Variants in PRDX1 observed in about 807,000 individuals in gnomAD.
The protein encoded by PRDX1 is peroxiredoxin-1.
Under a neutral mutation model 20.7 loss-of-function variants are expected in PRDX1, and 19 were observed. The observed-to-expected ratio is 0.92, with a 90% CI of 0.64 to 1.35. The LOEUF is 1.35. PRDX1 is among the 40% of genes most tolerant of loss of function. PRDX1 has a pLI of 0.00. For missense variants in PRDX1, 226 were observed against 240.0 expected, an observed-to-expected ratio of 0.94 and a Z score of 0.38; for synonymous variants, 89 against 83.9, an observed-to-expected ratio of 1.06 and a Z score of -0.33.
Position 45,511,167 on chromosome 1 carries a change from A to G in PRDX1, c.*162T>C. On this transcript the variant is annotated 3_prime_UTR_variant, in exon 6 of 6. Transcript: ENST00000319248. Reference sequence around the variant, plus strand: ...TCAGGCCATTCCTACCAAAGGAAGAAAGGCTGGTCTCTCCACCCCCTGTAG... The same window carrying G: ...TCAGGCCATTCCTACCAAAGGAAGAGAGGCTGGTCTCTCCACCCCCTGTAG... The G allele has an allele frequency of 1.7e-6, 1 of 605,368 alleles. No homozygotes were observed. Among genetic ancestry groups the G allele is most frequent in the Non-Finnish European group, 2.9e-6 (1 of 349,566 alleles). The allele number at this position is 605,368 out of a possible 1,614,324, so 37.5% of individuals were successfully genotyped here. A position where few individuals can be genotyped will look rare whatever the true frequency, so the allele number is the denominator to read the frequency against.
intron 5 of PRDX1, among the ~76,000 whole-genome samples, chr1:45,513,609 C>T (rs1055414336): frequency 2.2e-4 from 34 of 152,178 alleles, no homozygotes; most frequent in Admixed American, 6.6e-4. Flanking sequence ...ATTCTTCTGC[C>T]TTGAGATGCT....
intron 1 of PRDX1, among the ~76,000 whole-genome samples, chr1:45,520,723 CA>C (rs71052895): frequency 0.35 from 19,844 of 57,218 alleles, 1,169 homozygotes; most frequent in East Asian, 0.47. Context: ...GACTCCGTCT[CA>C]AAAAAAAAAA....
rs112565051 is a variant in PRDX1, at chr1:45,515,758, G to A, written c.156C>T (p.Cys52=). The change falls in exon 3 of 6, where the codon TGC becomes TGT. Residue 52 remains cysteine (C), a synonymous_variant. Coordinates refer to ENST00000319248, the MANE Select transcript of PRDX1 (RefSeq NM_181697.3). ...FFYPLDFTFV[C]PTEIIAFSDR... ...CACTGAAAGCAATGATCTCCGTGGG[G>A]CACACAAAGGTGAAGTCAAGAGGGT... The A allele has an allele frequency of 1.2e-5, 19 of 1,598,028 alleles. No homozygotes were observed. In the African/African-American group the frequency reaches 1.4e-4, roughly 11 times the overall value.
chr1:45,520,723 C>CAA (rs71052895), intron 1 of PRDX1, among the ~76,000 whole-genome samples: 95 of 57,444 alleles, frequency 1.7e-3, no homozygotes, highest in African/African-American at 2.4e-3. Context: ...GACTCCGTCT[C>CAA]AAAAAAAAAA....
chr1:45,518,198 C>T lies in PRDX1; in HGVS notation c.106+740G>A, dbSNP rs1045771915. Among the ~76,000 whole-genome samples the T allele has an allele frequency of 7.2e-5, 11 of 151,984 alleles. 1 individual carries two copies. The highest frequency in any genetic ancestry group is 6.2e-4 in the South Asian group (3 of 4,812). ...AAAAATTAAGCCAGGCGTGGTGGCT[C>T]ATGCCTGTAATCCCAGCATTTTGGG... is the stretch of plus-strand genomic sequence containing the variant. On this transcript the variant is annotated intron_variant, in intron 2 of 5. Coordinates refer to ENST00000319248, the MANE Select transcript of PRDX1 (RefSeq NM_181697.3).
intron 2 of PRDX1, among the ~76,000 whole-genome samples, chr1:45,517,656 C>A (rs1376834345): frequency 6.6e-6 from 1 of 152,064 alleles, no homozygotes; most frequent in African/African-American, 2.4e-5. Context: ...GTTGCGGGCG[C>A]CTGTAGTCCC....
At chr1:45,514,808 C>T in intron 4 of PRDX1, 65 bp downstream of exon 4, 1 of 1,602,518 alleles carries the variant, frequency 6.2e-7, no homozygotes, top group Non-Finnish European at 8.5e-7. Context: ...CTCTACAGAT[C>T]AGGGCTCTAG....
intron 5 of PRDX1, 47 bp from the exon 6 acceptor site, chr1:45,511,461 C>CAA (rs771563892): frequency 1.3e-6 from 2 of 1,482,342 alleles, no homozygotes; most frequent in East Asian, 4.5e-5. Context: ...CAATGGTATG[C>CAA]ACCACCATTC....
At chr1:45,518,131 G>A (rs1643876977) in intron 2 of PRDX1, among the ~76,000 whole-genome samples, 1 of 152,042 alleles carries the variant, frequency 6.6e-6, no homozygotes, top group Non-Finnish European at 1.5e-5. Flanking sequence ...AGGAGTTGGA[G>A]ACCAGCCTGG....
intron 5 of PRDX1, chr1:45,511,693 A>G (rs1643748713): frequency 6.9e-6 from 2 of 289,532 alleles, no homozygotes; most frequent in South Asian, 9.8e-5. Flanking sequence ...ATTTGCCAAC[A>G]CTCTCTAATC....
rs1448508280 is a variant in PRDX1 at position 45,515,785 on chromosome 1, AAAG to A, written c.126_128del (p.Phe43del). 7.6e-6 allele frequency: 12 copies of A among 1,581,222 alleles called. No individual in the cohort carries two copies. The highest frequency in any genetic ancestry group is 1.7e-4 in the Middle Eastern group (1 of 6,012). On this transcript the variant is annotated inframe_deletion, in exon 3 of 6. Coordinates refer to ENST00000319248, the MANE Select transcript of PRDX1 (RefSeq NM_181697.3). ...ACACAAAGGTGAAGTCAAGAGGGTAAAAGAAGAACACAACATATTTTCCTGGGG... is the reference window on the plus strand; with the variant it reads ...ACACAAAGGTGAAGTCAAGAGGGTAAAAGAACACAACATATTTTCCTGGGG...
intron 5 of PRDX1, chr1:45,511,712 GA>G (rs1215445237): frequency 6.9e-5 from 16 of 232,986 alleles, no homozygotes; most frequent in South Asian, 1.2e-4. Flanking sequence ...TCCTTAAGGG[GA>G]AAAAAAAGCT....
chr1:45,521,326 AT>A (rs1643911143), intron 1 of PRDX1, among the ~76,000 whole-genome samples: 1 of 152,324 alleles, frequency 6.6e-6, no homozygotes, highest in Non-Finnish European at 1.5e-5. Flanking sequence ...CAGCGGGGAC[AT>A]TTGGGCTCAT....
In PRDX1 at chr1:45,515,780, G is replaced by T; in HGVS notation, c.134C>A (p.Pro45His). Residue 45 changes from proline to histidine, a missense_variant, in exon 3 of 6, where the codon CCT becomes CAT. Physicochemically the swap from Pro to His is moderately conservative, Grantham distance 77 (BLOSUM62 -2). Transcript: ENST00000319248. ...KGKYVVFFFY[P>H]LDFTFVCPTE... ...GGGGCACACAAAGGTGAAGTCAAGA[G>T]GGTAAAAGAAGAACACAACATATTT... The T allele has an allele frequency of 6.3e-7, 1 of 1,581,690 alleles. No individual in the cohort carries two copies. The highest frequency in any genetic ancestry group is 1.2e-5 in the South Asian group (1 of 84,466).
intron 2 of PRDX1, among the ~76,000 whole-genome samples, chr1:45,518,661 T>G (rs1643881668): frequency 6.6e-6 from 1 of 151,390 alleles, no homozygotes; most frequent in South Asian, 2.1e-4. Context: ...AAAATAAAAA[T>G]AAAGAAAGAA....
rs941107578 is a variant in PRDX1 at position 45,520,560 on chromosome 1, C to A, written c.-12+1269G>T. On this transcript the variant is annotated intron_variant, in intron 1 of 5. Transcript: ENST00000319248. ...CATCATAGTGAAACCCCGTCTCTAACAAAAATACAAAAAATTAGCCGGGGG... is the reference window on the plus strand; with the variant it reads ...CATCATAGTGAAACCCCGTCTCTAAAAAAAATACAAAAAATTAGCCGGGGG... Among the ~76,000 whole-genome samples the A allele has an allele frequency of 6.6e-5, 10 of 151,728 alleles. No individual in the cohort carries two copies. The East Asian group carries it at 1.4e-3, about 21-fold the overall frequency.
At chr1:45,516,976 A>C (rs1488096832) in intron 2 of PRDX1, among the ~76,000 whole-genome samples, 1 of 149,854 alleles carries the variant, frequency 6.7e-6, no homozygotes, top group African/African-American at 2.5e-5. Flanking sequence ...ACCTGAGATC[A>C]TGCCACTGCA....
Position 45,514,511 on chromosome 1 carries a change from C to G in PRDX1, c.510G>C (p.Gly170=), listed in dbSNP as rs752875266. 2.0e-5 allele frequency: 32 copies of G among 1,614,024 alleles called. No homozygotes were observed. Among genetic ancestry groups the G allele is most frequent in the Non-Finnish European group, 2.5e-5 (30 of 1,180,022 alleles). The change falls in exon 5 of 6, where the codon GGG becomes GGC. Residue 170 remains glycine (G), a synonymous_variant. Transcript: ENST00000319248. ...GTTATCAGACAGATGGCTTACCTTC[C>G]CCATGTTTGTCAGTGAACTGGAAGG... ...VQAFQFTDKH[G]EVCPAGWKPG...
chr1:45,520,205 CA>C (rs59260423), intron 1 of PRDX1, among the ~76,000 whole-genome samples: 86 of 91,034 alleles, frequency 9.4e-4, no homozygotes, highest in East Asian at 1.8e-3. Flanking sequence ...ACTCTGTCTC[CA>C]AAAAAAAAAA....
Sources: gnomAD v4.1 joint callset for allele counts (sites outside exome capture counted in the v4.1 genomes callset) on GRCh38, gnomAD v4.1.1 for gene constraint, MANE v1.5 for transcripts, NCBI Gene and HGNC (gene_info 2026-07-23, HGNC 2026-07-21) for gene names.